Variants in OSBPL10 observed in about 807,000 individuals in gnomAD.
The protein encoded by OSBPL10 is oxysterol binding protein like 10, also known as oxysterol-binding protein-related protein 10.
A neutral mutation model predicts 81.7 loss-of-function variants in OSBPL10; 49 were observed. That is an observed-to-expected ratio of 0.60 (90% CI 0.48 to 0.76). The LOEUF is 0.76. OSBPL10 is among the 30% of genes least tolerant of loss of function. OSBPL10 has a pLI of 0.00. For missense variants in OSBPL10, 923 were observed against 987.8 expected (o/e 0.93, Z 0.88); for synonymous variants, 419 against 383.6 (o/e 1.09, Z -1.08).
At chr3:31,783,111 T>TTTTATATATATA (rs1048319563) in intron 4 of OSBPL10, among the ~76,000 whole-genome samples, 10 of 121,638 alleles carry the variant, frequency 8.2e-5, no homozygotes, top group African/African-American at 2.2e-4. Flanking sequence ...AATATATCTA[T>TTTTATATATATA]TATATATATA....
intron 2 of OSBPL10, among the ~76,000 whole-genome samples, chr3:32,010,704 G>A (rs1001434806): frequency 6.6e-6 from 1 of 152,322 alleles, no homozygotes; most frequent in East Asian, 1.9e-4. Context: ...AAGGAACAGG[G>A]TGACAGATGG....
At chr3:32,014,248 T>C (rs890694189) in intron 2 of OSBPL10, among the ~76,000 whole-genome samples, 6 of 152,182 alleles carry the variant, frequency 3.9e-5, no homozygotes, top group African/African-American at 1.4e-4. Flanking sequence ...TTATCCACCA[T>C]GATCAAGTGG....
chr3:31,663,834 T>G (rs1575460007), intron 11 of OSBPL10: 2 of 1,405,478 alleles, frequency 1.4e-6, no homozygotes, highest in East Asian at 5.5e-5. Flanking sequence ...TTTTCTGACA[T>G]AGGGATACTG....
intron 4 of OSBPL10, among the ~76,000 whole-genome samples, chr3:31,793,927 T>C (rs1381075057): frequency 1.3e-5 from 2 of 152,208 alleles, no homozygotes; most frequent in Non-Finnish European, 2.9e-5. Context: ...TCACATGTCA[T>C]TGACATTGTA....
At chr3:31,746,336 G>A (rs1194975480) in intron 5 of OSBPL10, among the ~76,000 whole-genome samples, 1 of 152,118 alleles carries the variant, frequency 6.6e-6, no homozygotes, top group African/African-American at 2.4e-5. Context: ...GAGTCGCTGG[G>A]TATAATGTGG....
chr3:31,694,476 TTTTAA>T (rs1308825915), intron 7 of OSBPL10, among the ~76,000 whole-genome samples: 2 of 152,014 alleles, frequency 1.3e-5, no homozygotes, highest in African/African-American at 2.4e-5. Context: ...TTTAAAATTA[TTTTAA>T]TTTTTTAAAA....
At chr3:31,857,081 T>C (rs920148513) in intron 3 of OSBPL10, among the ~76,000 whole-genome samples, 58 of 152,104 alleles carry the variant, frequency 3.8e-4, no homozygotes, top group Admixed American at 3.5e-3. Context: ...ATGTGGGCAG[T>C]ACTAACCCTC....
At chr3:31,831,636 A>G (rs1431633198) in intron 3 of OSBPL10, among the ~76,000 whole-genome samples, 2 of 152,234 alleles carry the variant, frequency 1.3e-5, no homozygotes, top group African/African-American at 4.8e-5. Context: ...AACACATAGG[A>G]AAATATGTTC....
In OSBPL10 at chr3:31,806,532, C is replaced by T. The variant is rs142909386; in HGVS notation, c.729+23508G>A. Among the ~76,000 whole-genome samples, 457 of 152,308 alleles carry T rather than the reference C, an allele frequency of 3.0e-3. 3 individuals are homozygous for T. The highest frequency in any genetic ancestry group is 0.01 in the African/African-American group (424 of 41,550). On this transcript the variant is annotated intron_variant, in intron 4 of 11. Coordinates refer to ENST00000396556, the MANE Select transcript of OSBPL10 (RefSeq NM_017784.5). ...TTTTGATACATATCTATTGAGCTTC[C>T]GCTTTGTACCCGCAGTTAGAAAAGC...
intron 4 of OSBPL10, among the ~76,000 whole-genome samples, chr3:31,796,849 G>A (rs375922118): frequency 6.6e-6 from 1 of 152,022 alleles, no homozygotes; most frequent in African/African-American, 2.4e-5. Context: ...ACTTCATTCA[G>A]GATCTTTCAA....
At chr3:31,876,544 T>C (rs748101295) in intron 2 of OSBPL10, 32 bp from the exon 3 acceptor site, 1 of 1,567,520 alleles carries the variant, frequency 6.4e-7, no homozygotes, top group Non-Finnish European at 8.8e-7. Flanking sequence ...AAGAAATGAT[T>C]GCAGAGATTG....
At chr3:31,796,127 C>A in intron 4 of OSBPL10, 1 of 174,786 alleles carries the variant, frequency 5.7e-6, no homozygotes, top group Non-Finnish European at 1.3e-5. Flanking sequence ...TTAGCTGAAG[C>A]CATTCTCTCC....
chr3:31,951,587 T>C (rs2125445520), intron 1 of OSBPL10, among the ~76,000 whole-genome samples: 1 of 151,920 alleles, frequency 6.6e-6, no homozygotes, highest in Middle Eastern at 3.4e-3. Context: ...GTTACATATA[T>C]GATTGCATAT....
intron 4 of OSBPL10, among the ~76,000 whole-genome samples, chr3:31,791,163 A>T (rs1698998148): frequency 6.6e-6 from 1 of 152,216 alleles, no homozygotes; most frequent in Admixed American, 6.5e-5. Flanking sequence ...CATTTTAAAC[A>T]CTGGAACAGC....
chr3:31,685,896 T>C (rs1700780388), intron 7 of OSBPL10, among the ~76,000 whole-genome samples: 2 of 152,190 alleles, frequency 1.3e-5, no homozygotes, highest in Admixed American at 1.3e-4. Flanking sequence ...GTGTTGCAAT[T>C]TGATCCCCGA....
intron 1 of OSBPL10, among the ~76,000 whole-genome samples, chr3:31,895,541 A>G (rs964583784): frequency 2.0e-5 from 3 of 152,142 alleles, no homozygotes; most frequent in African/African-American, 7.2e-5. Flanking sequence ...AAAGCTCCTC[A>G]GGTGGTTACA....
chr3:32,028,354 ACATTTCCTCTTG>A (rs1699435705), intron 2 of OSBPL10, among the ~76,000 whole-genome samples: 7 of 152,162 alleles, frequency 4.6e-5, no homozygotes, highest in Admixed American at 2.6e-4. Context: ...AACTTTCAAA[ACATTTCCTCTTG>A]CATTTTCTCT....
At chr3:31,917,692 C>G (rs919345539) in intron 1 of OSBPL10, among the ~76,000 whole-genome samples, 19 of 146,512 alleles carry the variant, frequency 1.3e-4, no homozygotes, top group Non-Finnish European at 2.2e-4. Flanking sequence ...TGCTGACAAT[C>G]AATCAATCAA....
chr3:32,026,061 A>AGGT (rs1699407182), intron 2 of OSBPL10, among the ~76,000 whole-genome samples: 2 of 90,764 alleles, frequency 2.2e-5, no homozygotes, highest in African/African-American at 3.5e-5. Flanking sequence ...GATAGATGAT[A>AGGT]GATAGATAGA....
Sources: allele counts gnomAD v4.1 joint callset (sites outside exome capture counted in the v4.1 genomes callset), GRCh38; gene constraint gnomAD v4.1.1; transcripts MANE v1.5; gene names NCBI Gene and HGNC (gene_info 2026-07-23, HGNC 2026-07-21).